Variants in RALGPS2 observed in about 807,000 individuals in gnomAD.
RALGPS2 encodes ras-specific guanine nucleotide-releasing factor RalGPS2.
A neutral mutation model predicts 86.8 loss-of-function variants in RALGPS2; 43 were observed. The observed-to-expected ratio is 0.50, with a 90% CI of 0.39 to 0.64. The LOEUF (loss-of-function observed/expected upper bound fraction) is 0.64, where lower values mean the gene tolerates loss of function less well. Ranked by LOEUF, RALGPS2 falls within the 30% of genes least tolerant of loss-of-function variation. RALGPS2 has a pLI of 0.00. For missense variants in RALGPS2, 536 were observed against 694.6 expected (o/e 0.77, Z 2.57); for synonymous variants, 243 against 231.3 (o/e 1.05, Z -0.46).
At chr1:178,906,285 G>T (rs1016525420) in intron 18 of RALGPS2, among the ~76,000 whole-genome samples, 4 of 151,878 alleles carry the variant, frequency 2.6e-5, no homozygotes, top group Admixed American at 6.6e-5. Flanking sequence ...CGAGACACGA[G>T]AATCTCATAA....
intron 19 of RALGPS2, among the ~76,000 whole-genome samples, chr1:178,911,952 T>C (rs577385253): frequency 2.4e-4 from 37 of 152,344 alleles, no homozygotes; most frequent in African/African-American, 8.4e-4. Context: ...CCCTTTATCA[T>C]TATGTAATGC....
chr1:178,739,955 G>A (rs144392309), intron 1 of RALGPS2, among the ~76,000 whole-genome samples: 1 of 152,152 alleles, frequency 6.6e-6, no homozygotes, highest in East Asian at 1.9e-4. Context: ...GATGAATAGG[G>A]TCATTGATAC....
chr1:178,737,738 C>T (rs1039659307), intron 1 of RALGPS2, among the ~76,000 whole-genome samples: 2 of 151,198 alleles, frequency 1.3e-5, no homozygotes, highest in Non-Finnish European at 2.9e-5. Flanking sequence ...GTCTTTTTAC[C>T]CAAATGGTTA....
At position 178,877,622 on chromosome 1, in the gene RALGPS2, G is replaced by A. The variant is rs769717145; in HGVS notation, c.732G>A (p.Gln244=). 2 of 1,613,066 alleles carry A rather than the reference G, an allele frequency of 1.2e-6. No homozygotes were observed. The highest frequency in any genetic ancestry group is 2.2e-5 in the South Asian group (2 of 91,040). The change falls in exon 9 of 20, where the codon CAG becomes CAA. Residue 244 remains glutamine, a synonymous_variant. Transcript: ENST00000367635. ...NILRIISDLQ[Q]SCEYDIPMLP... The stretch of plus-strand genomic sequence containing the variant: ...TTCGAATAATTTCTGATTTACAGCA[G>A]TCTTGTGAATATGGTAAGTTTCTAG...
At chr1:178,810,300 T>A (rs1197431929) in intron 5 of RALGPS2, among the ~76,000 whole-genome samples, 2 of 152,062 alleles carry the variant, frequency 1.3e-5, no homozygotes, top group East Asian at 3.9e-4. Flanking sequence ...GTCAGGAGAA[T>A]CACTTGAGCC....
intron 12 of RALGPS2, 93 bp downstream of exon 12, chr1:178,885,304 G>A (rs1475925629): frequency 8.0e-7 from 1 of 1,246,892 alleles, no homozygotes; most frequent in Non-Finnish European, 1.1e-6. Context: ...TGGTATCCTT[G>A]AATAGTTTTC....
At chr1:178,864,825 AAAC>A (rs1658272376) in intron 8 of RALGPS2, 2 of 555,466 alleles carry the variant, frequency 3.6e-6, no homozygotes, top group Non-Finnish European at 2.7e-6. Flanking sequence ...TATTAATAAA[AAAC>A]AATAGAAATT....
chr1:178,902,311 T>G, intron 18 of RALGPS2, 100 bp downstream of exon 18: 1 of 893,294 alleles, frequency 1.1e-6, no homozygotes, highest in Non-Finnish European at 1.7e-6. Context: ...ATATAATGTT[T>G]TATGCATACA....
chr1:178,798,815 A>G (rs989128984), intron 4 of RALGPS2, among the ~76,000 whole-genome samples: 1 of 152,192 alleles, frequency 6.6e-6, no homozygotes. Flanking sequence ...TATTCAAGAA[A>G]AAGCAAACTC....
At chr1:178,878,276 G>A (rs1659082958) in intron 9 of RALGPS2, among the ~76,000 whole-genome samples, 1 of 151,998 alleles carries the variant, frequency 6.6e-6, no homozygotes, top group Admixed American at 6.5e-5. Context: ...AAGTTAGGCT[G>A]TTAATACATA....
At chr1:178,725,524 A>C (rs1649921863) in intron 1 of RALGPS2, 105 bp downstream of exon 1, 1 of 151,544 alleles carries the variant, frequency 6.6e-6, no homozygotes, top group Non-Finnish European at 1.5e-5. Context: ...GGCGCTGCGG[A>C]GTGTGGCTCT....
chr1:178,728,402 C>CTTTTTTTT (rs67007360), intron 1 of RALGPS2, among the ~76,000 whole-genome samples: 1 of 129,628 alleles, frequency 7.7e-6, no homozygotes, highest in African/African-American at 2.9e-5. Context: ...CGAAAGTATG[C>CTTTTTTTT]TTTTTTTTTT....
At chr1:178,852,544 A>G (rs1158573393) in intron 8 of RALGPS2, 1 of 761,922 alleles carries the variant, frequency 1.3e-6, no homozygotes, top group East Asian at 2.7e-5. Context: ...TATTTCTTTC[A>G]GTAGGTTGGT....
intron 1 of RALGPS2, among the ~76,000 whole-genome samples, chr1:178,733,895 T>G (rs1280218322): frequency 5.9e-5 from 9 of 152,210 alleles, no homozygotes; most frequent in Non-Finnish European, 1.2e-4. Context: ...AAATTAAATT[T>G]TTTGTGCTTC....
chr1:178,903,402 T>C (rs1258504332), intron 18 of RALGPS2, among the ~76,000 whole-genome samples: 1 of 152,140 alleles, frequency 6.6e-6, no homozygotes, highest in East Asian at 1.9e-4. Context: ...TCTGGTTACA[T>C]GAGTAAGTTG....
chr1:178,754,727 G>A (rs1172728473), intron 1 of RALGPS2, among the ~76,000 whole-genome samples: 1 of 152,216 alleles, frequency 6.6e-6, no homozygotes, highest in Non-Finnish European at 1.5e-5. Flanking sequence ...GTTCAGTCAA[G>A]TTGACATATA....
intron 11 of RALGPS2, 28 bp downstream of exon 11, chr1:178,883,561 A>G: frequency 6.5e-7 from 1 of 1,541,020 alleles, no homozygotes; most frequent in South Asian, 1.1e-5. Flanking sequence ...TCTTGTTACC[A>G]AATCTAAATC....
rs535073655 is a variant in RALGPS2, at chr1:178,837,080, C to T, written c.607+3530C>T. Among the ~76,000 whole-genome samples, 4 of 152,308 alleles carry T rather than the reference C, an allele frequency of 2.6e-5. No individual in the cohort carries two copies. The East Asian group carries it at 7.7e-4, about 29-fold the overall frequency. On this transcript the variant is annotated intron_variant, in intron 8 of 19. Transcript: ENST00000367635. ...ACAGGTGTGAGCCACTGGGCTCAGC[C>T]AGTCCACTTCTTTTCTTACTCTATA...
intron 8 of RALGPS2, among the ~76,000 whole-genome samples, chr1:178,837,908 C>T (rs1014771987): frequency 1.3e-5 from 2 of 152,220 alleles, no homozygotes; most frequent in African/African-American, 2.4e-5. Context: ...GAGGGTGCCA[C>T]GCCCACAGAG....
Sources: allele counts gnomAD v4.1 joint callset (sites outside exome capture counted in the v4.1 genomes callset), GRCh38; gene constraint gnomAD v4.1.1; transcripts MANE v1.5; gene names NCBI Gene and HGNC (gene_info 2026-07-23, HGNC 2026-07-21).